The following ARID5A variants were observed in gnomAD, a reference collection of about 807,000 sequenced individuals.
ARID5A encodes the protein AT-rich interactive domain-containing protein 5A.
In ARID5A, 14 loss-of-function variants were observed where a neutral mutation model predicts 30.5. The ratio of observed to expected loss-of-function variants is 0.46; its 90% CI spans 0.30 to 0.72. ARID5A has a LOEUF of 0.72. Among genes scored for constraint, ARID5A ranks in the 30% least tolerant of loss-of-function variants. The pLI is 0.07. For synonymous variants in ARID5A, 338 were observed against 340.4 expected (o/e 0.99, Z 0.08); for missense variants, 669 against 786.2 (o/e 0.85, Z 1.78).
At position 96,537,400 on chromosome 2, in the gene ARID5A, A is replaced by C. The variant is rs749027; in HGVS notation, c.4+570A>C. The C allele has an allele frequency of 0.69, 105,137 of 152,318 alleles. 36,592 individuals are homozygous for C. The highest frequency in any genetic ancestry group is 0.88 in the South Asian group (4,230 of 4,832). 9.4% of individuals were successfully genotyped at this position (152,318 alleles called of 1,614,324 possible). ...GAACTTGCTCAATGCGCTTTGTAGG[A>C]TCCACTGTTCCTCTTTCGGCCGCGG... On this transcript the variant is annotated intron_variant, in intron 1 of 6. Transcript: ENST00000357485. The surrounding 1 kb of genome is among the most constrained non-coding windows in gnomAD (Gnocchi z 4.8).
At position 96,552,016 on chromosome 2, in the gene ARID5A, C is replaced by T; in HGVS notation, c.1488C>T (p.Pro496=). The T allele has an allele frequency of 6.5e-7, 1 of 1,528,008 alleles. No homozygotes were observed. 94.7% of individuals were successfully genotyped at this position (1,528,008 alleles called of 1,614,324 possible). A position where few individuals can be genotyped will look rare whatever the true frequency, so the allele number is the denominator to read the frequency against. ...TGGGCCCAGCCCTGGGGCCTGTGCCCCCAGAGGCCTACAGGGGCACCATGC... is the reference window on the plus strand; with the variant it reads ...TGGGCCCAGCCCTGGGGCCTGTGCCTCCAGAGGCCTACAGGGGCACCATGC... ...CLLGPALGPV[P]PEAYRGTMLH... Residue 496 remains proline (P), a synonymous_variant, in exon 7 of 7, where the codon CCC becomes CCT. Coordinates refer to ENST00000357485, the MANE Select transcript of ARID5A (RefSeq NM_212481.3).
rs749477555 is a variant in ARID5A at position 96,549,322 on chromosome 2, A to C, written c.122A>C (p.Asp41Ala). 4.1e-5 allele frequency: 66 copies of C among 1,611,914 alleles called. No individual in the cohort carries two copies. Among genetic ancestry groups the C allele is most frequent in the Non-Finnish European group, 5.9e-6 (7 of 1,179,562 alleles). Residue 41 changes from aspartate to alanine, a missense_variant and splice_region_variant, in exon 3 of 7, where the codon GAC becomes GCC. Physicochemically the swap from Asp to Ala is moderately radical, Grantham distance 126 (BLOSUM62 -2). Coordinates refer to ENST00000357485, the MANE Select transcript of ARID5A (RefSeq NM_212481.3). This position sits in a 1 kb window ranked among gnomAD's most constrained non-coding sequence, Gnocchi z 6.1. ...NGIQNPISLE[D>A]SPEAGGEREE... ...CAATGCCTCCTGTTCTCTCCCCAGG[A>C]CTCCCCCGAGGCAGGCGGGGAGCGG...
chr2:96,545,862 G>A (rs1391414281), intron 1 of ARID5A, among the ~76,000 whole-genome samples: 4 of 151,976 alleles, frequency 2.6e-5, no homozygotes, highest in Middle Eastern at 3.4e-3. Flanking sequence ...GCTGAGGCAG[G>A]AGAATCACTT....
At chr2:96,536,934 G>T (rs2065743262) in intron 1 of ARID5A, 104 bp downstream of exon 1, 6 of 1,202,244 alleles carry the variant, frequency 5.0e-6, no homozygotes, top group Non-Finnish European at 5.2e-6. Context: ...CAGTCGGTGC[G>T]CTGTGTGGGG....
Position 96,551,882 on chromosome 2 carries a change from G to T in ARID5A, c.1354G>T (p.Ala452Ser). Residue 452 changes from alanine to serine, a missense_variant, in exon 7 of 7, where the codon GCT becomes TCT. Physicochemically the swap from Ala to Ser is moderately conservative, Grantham distance 99. Around this residue, in one of 4 missense-constraint regions of ARID5A, gnomAD observed 548 missense variants for 577.4 expected, o/e 0.95. Coordinates refer to ENST00000357485, the MANE Select transcript of ARID5A (RefSeq NM_212481.3). The stretch of plus-strand genomic sequence containing the variant: ...CAAGCGCAGCCTGGAGGAAGAGGGT[G>T]CTGCCCACAGTGGGAAGAGACTGCG... ...GSKRSLEEEG[A>S]AHSGKRLRAV... 6.4e-7 allele frequency: 1 copy of T among 1,569,490 alleles called. No individual in the cohort carries two copies. Among genetic ancestry groups the T allele is most frequent in the Non-Finnish European group, 8.6e-7 (1 of 1,161,968 alleles).
intron 1 of ARID5A, among the ~76,000 whole-genome samples, chr2:96,541,677 A>G: frequency 6.6e-6 from 1 of 152,238 alleles, no homozygotes; most frequent in East Asian, 1.9e-4. Context: ...GAGTAATGAG[A>G]CAATAATCAC....
At position 96,550,394 on chromosome 2, in the gene ARID5A, C is replaced by T. The variant is rs1220763826; in HGVS notation, c.410+109C>T. ...TGCCCGGAGCGGGCAGGGTATGCGCCGTCCTCAGAGCTGCGGGAGCCCAGG... is the reference window on the plus strand; with the variant it reads ...TGCCCGGAGCGGGCAGGGTATGCGCTGTCCTCAGAGCTGCGGGAGCCCAGG... On this transcript the variant is annotated intron_variant, in intron 5 of 6. Coordinates refer to ENST00000357485, the MANE Select transcript of ARID5A (RefSeq NM_212481.3). The surrounding 1 kb of genome is among the most constrained non-coding windows in gnomAD (Gnocchi z 6.6). 3 of 1,432,790 alleles carry T rather than the reference C, an allele frequency of 2.1e-6. No homozygotes were observed. Among genetic ancestry groups the T allele is most frequent in the Middle Eastern group, 2.6e-4 (1 of 3,882 alleles). 88.8% of individuals were successfully genotyped at this position (1,432,790 alleles called of 1,614,324 possible). A position where few individuals can be genotyped will look rare whatever the true frequency, so the allele number is the denominator to read the frequency against.
rs200341137 is a variant in ARID5A, at chr2:96,551,885, G to T, written c.1357G>T (p.Ala453Ser). The T allele has an allele frequency of 1.3e-6, 2 of 1,563,216 alleles. No homozygotes were observed. Among genetic ancestry groups the T allele is most frequent in the African/African-American group, 2.8e-5 (2 of 72,526 alleles). ...GCGCAGCCTGGAGGAAGAGGGTGCTGCCCACAGTGGGAAGAGACTGCGGGC... is the reference window on the plus strand; with the variant it reads ...GCGCAGCCTGGAGGAAGAGGGTGCTTCCCACAGTGGGAAGAGACTGCGGGC... ...SKRSLEEEGA[A>S]HSGKRLRAVS... The change falls in exon 7 of 7, where the codon GCC becomes TCC. Residue 453 changes from alanine (A) to serine (S), a missense_variant. Transcript: ENST00000357485.
chr2:96,544,962 TGGA>T (rs1399193297), intron 1 of ARID5A, among the ~76,000 whole-genome samples: 1 of 152,088 alleles, frequency 6.6e-6, no homozygotes, highest in African/African-American at 2.4e-5. Flanking sequence ...AAGACTTCAG[TGGA>T]GAAGACACTG....
intron 6 of ARID5A, 67 bp from the exon 7 acceptor site, chr2:96,551,032 C>A: frequency 6.6e-7 from 1 of 1,522,306 alleles, no homozygotes; most frequent in Non-Finnish European, 8.9e-7. Flanking sequence ...GAAAGTGCCA[C>A]CTCTTGCTCC....
chr2:96,552,404 TACCCAGGAC>T lies in ARID5A; in HGVS notation c.*96_*104del, dbSNP rs758150192. On this transcript the variant is annotated 3_prime_UTR_variant, in exon 7 of 7. Transcript: ENST00000357485. ...CAGGGGGCTCTGAACTAGTGCCTGC[TACCCAGGAC>T]ACCCGGGCCATGCCCCTGGCTGGGC... 5.3e-5 allele frequency: 84 copies of T among 1,582,604 alleles called. No individual in the cohort carries two copies. The African/African-American group carries it at 9.9e-4, about 19-fold the overall frequency.
rs1397272567 is a variant in ARID5A, at chr2:96,551,041, C to T, written c.571-58C>T. 5.2e-6 allele frequency: 8 copies of T among 1,542,860 alleles called. No homozygotes were observed. The East Asian group carries it at 9.0e-5, about 17-fold the overall frequency. On this transcript the variant is annotated intron_variant, in intron 6 of 6. Coordinates refer to ENST00000357485, the MANE Select transcript of ARID5A (RefSeq NM_212481.3). Reference sequence around the variant, plus strand: ...AGGCCTGAAAGTGCCACCTCTTGCTCCTCAGGTCAGGATGTGGGGCTGAGG... The same window carrying T: ...AGGCCTGAAAGTGCCACCTCTTGCTTCTCAGGTCAGGATGTGGGGCTGAGG...
rs764267450 is a variant in ARID5A at position 96,551,935 on chromosome 2, G to A, written c.1407G>A (p.Ala469=). The change falls in exon 7 of 7, where the codon GCG becomes GCA. Residue 469 remains alanine, a synonymous_variant. Transcript: ENST00000357485. ...CCGTGTCTCCCTTTCTTAAGGAGGC[G>A]GATGCCAAGAAGTGTGGGGCCAAAC... ...LRAVSPFLKE[A]DAKKCGAKPA... is the part of the protein sequence containing the mutation. The A allele has an allele frequency of 2.0e-5, 30 of 1,523,262 alleles. No individual in the cohort carries two copies. In the Admixed American group the frequency reaches 3.1e-4, roughly 16 times the overall value. The allele number at this position is 1,523,262 out of a possible 1,614,324, so 94.4% of individuals were successfully genotyped here.
intron 2 of ARID5A, 63 bp downstream of exon 2, chr2:96,547,580 G>A (rs1268349858): frequency 3.4e-5 from 50 of 1,488,306 alleles, no homozygotes; most frequent in East Asian, 2.3e-4. Flanking sequence ...CCTGTGCTCC[G>A]CCTCCAGGTG....
At chr2:96,545,061 CTT>C (rs1453450164) in intron 1 of ARID5A, among the ~76,000 whole-genome samples, 1 of 151,858 alleles carries the variant, frequency 6.6e-6, no homozygotes, top group Non-Finnish European at 1.5e-5. Flanking sequence ...CATGATCAAA[CTT>C]GAGTGGATGA....
intron 2 of ARID5A, 82 bp downstream of exon 2, chr2:96,547,599 C>G: frequency 3.8e-6 from 5 of 1,299,016 alleles, no homozygotes; most frequent in Non-Finnish European, 5.5e-6. Context: ...TGAACCTGGA[C>G]ACTCCCCAAG....
At chr2:96,538,217 A>G (rs2065778128) in intron 1 of ARID5A, 1 of 985,336 alleles carries the variant, frequency 1.0e-6, no homozygotes, top group African/African-American at 1.7e-5. Context: ...ACACGAAACC[A>G]TCTGAGGAGC....
chr2:96,541,743 T>A (rs1447837332), intron 1 of ARID5A, among the ~76,000 whole-genome samples: 2 of 152,246 alleles, frequency 1.3e-5, no homozygotes, highest in Non-Finnish European at 2.9e-5. Flanking sequence ...GATGACATTC[T>A]TATGGAGAGC....
chr2:96,537,125 CT>C lies in ARID5A; in HGVS notation c.4+299del, dbSNP rs1179201049. Among the ~76,000 whole-genome samples, 1 of 152,178 alleles carries C rather than the reference CT, an allele frequency of 6.6e-6. No homozygotes were observed. Among genetic ancestry groups the C allele is most frequent in the East Asian group, 1.9e-4 (1 of 5,188 alleles). ...CTTCCCGGGCGTTTATCTCGAAACT[CT>C]TTTCGCCGTCTCTTGCCTGAAATAT... On this transcript the variant is annotated intron_variant, in intron 1 of 6. Coordinates refer to ENST00000357485, the MANE Select transcript of ARID5A (RefSeq NM_212481.3). This position sits in a 1 kb window ranked among gnomAD's most constrained non-coding sequence, Gnocchi z 4.8.
Sources: gnomAD v4.1 joint callset for allele counts (sites outside exome capture counted in the v4.1 genomes callset) on GRCh38, gnomAD v4.1.1 for gene constraint, gnomAD v4.1.1 regional missense constraint, Gnocchi (gnomAD v3.1) non-coding constraint, MANE v1.5 for transcripts, NCBI Gene and HGNC (gene_info 2026-07-23, HGNC 2026-07-21) for gene names.